Variants in C6 observed in about 807,000 individuals in gnomAD.
C6 encodes the protein complement component C6.
Under a neutral mutation model 112.9 loss-of-function variants are expected in C6, and 101 were observed. That is an observed-to-expected ratio of 0.89 (90% CI 0.76 to 1.06). The LOEUF (loss-of-function observed/expected upper bound fraction) is 1.06, where lower values mean the gene tolerates loss of function less well. Ranked by LOEUF, C6 falls within the 50% of genes least tolerant of loss-of-function variation. The pLI, the probability that C6 is intolerant of heterozygous loss-of-function variation, is 0.00. For missense variants in C6, 1,202 were observed against 1,104.6 expected, an observed-to-expected ratio of 1.09 and a Z score of -1.25; for synonymous variants, 431 against 384.1, an observed-to-expected ratio of 1.12 and a Z score of -1.43.
chr5:41,144,308 C>G (rs1745611414), intron 17 of C6, among the ~76,000 whole-genome samples: 1 of 152,082 alleles, frequency 6.6e-6, no homozygotes, highest in Non-Finnish European at 1.5e-5. Flanking sequence ...TACTGTGTCT[C>G]CCAGGCTGGG....
intron 1 of C6, among the ~76,000 whole-genome samples, chr5:41,245,516 A>C (rs200969229): frequency 7.0e-6 from 1 of 142,172 alleles, no homozygotes; most frequent in African/African-American, 2.6e-5. Context: ...AAAAAAAAAA[A>C]TTTAACAAGA....
At chr5:41,216,319 T>A (rs1456211554), upstream of C6, among the ~76,000 whole-genome samples, 1 of 152,144 alleles carries the variant, frequency 6.6e-6, no homozygotes, top group Non-Finnish European at 1.5e-5. Flanking sequence ...CTCTTCTAAA[T>A]CCACTATTGG....
intron 1 of C6, among the ~76,000 whole-genome samples, chr5:41,234,281 T>C (rs1432657481): frequency 6.6e-6 from 1 of 151,932 alleles, no homozygotes; most frequent in East Asian, 1.9e-4. Flanking sequence ...TCCAATAATG[T>C]TCATGGGAAA....
Position 41,142,657 on chromosome 5 carries a change from CA to C in C6, c.*167del. ...GAGCTGGAACTGAATAAGACATGCCCAAACAGGAGAGTCAGGGGAGAATAAT... is the reference window on the plus strand; with the variant it reads ...GAGCTGGAACTGAATAAGACATGCCCAACAGGAGAGTCAGGGGAGAATAAT... On this transcript the variant is annotated 3_prime_UTR_variant, in exon 18 of 18. Transcript: ENST00000337836. 1.5e-6 allele frequency: 1 copy of C among 655,408 alleles called. No individual in the cohort carries two copies. 40.6% of individuals were successfully genotyped at this position (655,408 alleles called of 1,614,324 possible).
intron 1 of C6, among the ~76,000 whole-genome samples, chr5:41,208,259 G>A (rs537221837): frequency 3.3e-5 from 5 of 152,144 alleles, no homozygotes; most frequent in Non-Finnish European, 5.9e-5. Flanking sequence ...ATGCCCACAA[G>A]AGAAAGCAGG....
At chr5:41,163,678 A>T (rs1424472690) in intron 9 of C6, among the ~76,000 whole-genome samples, 1 of 152,202 alleles carries the variant, frequency 6.6e-6, no homozygotes, top group Admixed American at 6.5e-5. Flanking sequence ...TGTTTCATAT[A>T]TGCTATTTAA....
intron 9 of C6, among the ~76,000 whole-genome samples, chr5:41,167,853 A>G (rs1175957089): frequency 6.6e-6 from 1 of 152,192 alleles, no homozygotes; most frequent in African/African-American, 2.4e-5. Context: ...TATGGGGACA[A>G]TACTTCAAGG....
At chr5:41,196,709 T>C (rs977826706) in intron 4 of C6, among the ~76,000 whole-genome samples, 4 of 151,838 alleles carry the variant, frequency 2.6e-5, no homozygotes, top group Admixed American at 6.6e-5. Context: ...TTCCTGCATA[T>C]AATTTGCTAT....
At chr5:41,170,367 C>G (rs1327470066) in intron 9 of C6, among the ~76,000 whole-genome samples, 1 of 151,600 alleles carries the variant, frequency 6.6e-6, no homozygotes, top group Admixed American at 6.6e-5. Context: ...GATTATGTTT[C>G]TCAATGTTTG....
At chr5:41,189,322 C>T (rs184458411) in intron 5 of C6, among the ~76,000 whole-genome samples, 1 of 151,960 alleles carries the variant, frequency 6.6e-6, no homozygotes, top group Non-Finnish European at 1.5e-5. Flanking sequence ...AAAACTTGTA[C>T]ATGAATGTTC....
At chr5:41,208,671 G>A (rs188461203) in intron 1 of C6, among the ~76,000 whole-genome samples, 47 of 152,246 alleles carry the variant, frequency 3.1e-4, no homozygotes, top group African/African-American at 1.1e-3. Flanking sequence ...ACAAAACCAG[G>A]AAGAAGTTGA....
chr5:41,216,910 GAGTCCC>G (rs1313650004), upstream of C6, among the ~76,000 whole-genome samples: 3 of 152,108 alleles, frequency 2.0e-5, no homozygotes, highest in Non-Finnish European at 4.4e-5. Context: ...ATTAGCTACA[GAGTCCC>G]AGTCCCTAAT....
At chr5:41,144,455 T>C (rs1745626895) in intron 17 of C6, among the ~76,000 whole-genome samples, 1 of 152,092 alleles carries the variant, frequency 6.6e-6, no homozygotes, top group Middle Eastern at 3.2e-3. Context: ...TTTGTAGAGA[T>C]AGGGTCTCAT....
At chr5:41,211,733 T>G (rs1020871538) in intron 1 of C6, among the ~76,000 whole-genome samples, 15 of 152,280 alleles carry the variant, frequency 9.9e-5, no homozygotes, top group African/African-American at 2.6e-4. Flanking sequence ...TGTTGTTGTT[T>G]TTTTTTCTTA....
chr5:41,192,349 T>G (rs1750281792), intron 5 of C6, among the ~76,000 whole-genome samples: 2 of 152,172 alleles, frequency 1.3e-5, no homozygotes, highest in Admixed American at 1.3e-4. Flanking sequence ...TTGTTGTTGT[T>G]GTTGTTGCAT....
intron 5 of C6, among the ~76,000 whole-genome samples, chr5:41,187,813 C>G (rs561157827): frequency 2.9e-4 from 44 of 152,146 alleles, no homozygotes; most frequent in African/African-American, 1.0e-3. Context: ...TAGTGACTAG[C>G]ACAGGCCTGG....
chr5:41,236,386 G>T (rs1330249421), intron 1 of C6, among the ~76,000 whole-genome samples: 1 of 151,650 alleles, frequency 6.6e-6, no homozygotes, highest in Admixed American at 6.6e-5. Context: ...TCAGATAGTT[G>T]TAGATATGCG....
At chr5:41,195,717 T>G in intron 5 of C6, 75 bp downstream of exon 5, 5 of 1,398,752 alleles carry the variant, frequency 3.6e-6, no homozygotes, top group African/African-American at 1.4e-5. Flanking sequence ...TGGACAATGA[T>G]GTATCTCATT....
At chr5:41,208,798 A>G (rs547568449) in intron 1 of C6, among the ~76,000 whole-genome samples, 1,651 of 152,248 alleles carry the variant, frequency 0.011, 28 homozygotes, top group African/African-American at 0.038. Flanking sequence ...AGGTACAAGG[A>G]GGAGCTGGTA....
Sources: allele counts gnomAD v4.1 joint callset (sites outside exome capture counted in the v4.1 genomes callset), GRCh38; gene constraint gnomAD v4.1.1; transcripts MANE v1.5; gene names NCBI Gene and HGNC (gene_info 2026-07-23, HGNC 2026-07-21).